The following GRM8 variants were observed in gnomAD, a reference collection of about 807,000 sequenced individuals.
GRM8 encodes the protein metabotropic glutamate receptor 8.
GRM8 carries 47 observed loss-of-function variants against 87.2 expected under a neutral mutation model. The ratio of observed to expected loss-of-function variants is 0.54; its 90% CI spans 0.43 to 0.69. The LOEUF (loss-of-function observed/expected upper bound fraction) is 0.69. GRM8 is among the 30% of genes least tolerant of loss of function. The probability of loss-of-function intolerance (pLI) is 0.00; values close to 1 mark genes in which losing one functional copy is unlikely to be tolerated. For synonymous variants in GRM8, 396 were observed against 404.5 expected (o/e 0.98, Z 0.25); for missense variants, 1,019 against 1,139.2 (o/e 0.89, Z 1.52).
chr7:127,008,841 T>C (rs975415615), intron 3 of GRM8, among the ~76,000 whole-genome samples: 4 of 152,134 alleles, frequency 2.6e-5, no homozygotes, highest in Admixed American at 2.6e-4. Flanking sequence ...CCGTTGCTCA[T>C]CAAAGATGTC....
chr7:126,453,569 T>A (rs1802888336), intron 9 of GRM8, among the ~76,000 whole-genome samples: 1 of 151,560 alleles, frequency 6.6e-6, no homozygotes, highest in South Asian at 2.1e-4. Flanking sequence ...AAGCAGAATA[T>A]CAGCTTCTCT....
chr7:126,657,573 G>T (rs182968153), intron 7 of GRM8, among the ~76,000 whole-genome samples: 6 of 152,342 alleles, frequency 3.9e-5, no homozygotes, highest in Admixed American at 6.5e-5. Context: ...ATGTATAATA[G>T]TTCCAAGCTT....
At chr7:126,938,033 G>T (rs986993981) in intron 3 of GRM8, among the ~76,000 whole-genome samples, 8 of 152,178 alleles carry the variant, frequency 5.3e-5, no homozygotes, top group Non-Finnish European at 8.8e-5. Context: ...CTACCAGAAA[G>T]GTGGCTCAGT....
rs1198726617 is a variant in GRM8, at chr7:126,448,218, A to G, written c.2431-1846T>C. Among the ~76,000 whole-genome samples the G allele has an allele frequency of 3.3e-5, 5 of 151,916 alleles. No individual in the cohort carries two copies. The East Asian group carries it at 9.8e-4, about 30-fold the overall frequency. Reference sequence around the variant, plus strand: ...AATGCCAGTCAAATAGAAAACCACCAGTCAGACTCTTTCAAGTCAATTTAG... The same window carrying G: ...AATGCCAGTCAAATAGAAAACCACCGGTCAGACTCTTTCAAGTCAATTTAG... On this transcript the variant is annotated intron_variant, in intron 9 of 10. Coordinates refer to ENST00000339582, the MANE Select transcript of GRM8 (RefSeq NM_000845.3).
chr7:127,227,042 G>A (rs900012253), intron 2 of GRM8, among the ~76,000 whole-genome samples: 1 of 152,178 alleles, frequency 6.6e-6, no homozygotes, highest in Non-Finnish European at 1.5e-5. Flanking sequence ...CTCTAAAAAA[G>A]ATCAAAAGTG....
intron 2 of GRM8, among the ~76,000 whole-genome samples, chr7:127,180,163 G>C (rs2116400296): frequency 6.6e-6 from 1 of 152,126 alleles, no homozygotes; most frequent in African/African-American, 2.4e-5. Context: ...AAACAAGACA[G>C]GAGATATTAC....
chr7:127,076,031 G>A, intron 3 of GRM8: 1 of 387,680 alleles, frequency 2.6e-6, no homozygotes, highest in African/African-American at 2.1e-5. Context: ...ATTGTTAAAA[G>A]ATGGTTTGAT....
At chr7:127,135,731 T>C (rs1827914532) in intron 2 of GRM8, among the ~76,000 whole-genome samples, 1 of 151,342 alleles carries the variant, frequency 6.6e-6, no homozygotes, top group Admixed American at 6.6e-5. Flanking sequence ...TACATTCGCC[T>C]ACAATCGTTT....
Position 127,252,201 on chromosome 7 carries a change from G to A in GRM8, c.-312+596C>T, listed in dbSNP as rs1255959669. ...GGAGGTCACCCAGGGCAGACGATCC[G>A]AGGCAGAGCGCTTTAAAATCCTGCC... On this transcript the variant is annotated intron_variant, in intron 1 of 10. Transcript: ENST00000339582. This position sits in a 1 kb window ranked among gnomAD's most constrained non-coding sequence, Gnocchi z 4.9. 1 of 152,218 alleles carries A rather than the reference G, an allele frequency of 6.6e-6. No homozygotes were observed. Among genetic ancestry groups the A allele is most frequent in the Non-Finnish European group, 1.5e-5 (1 of 68,102 alleles). 9.4% of individuals were successfully genotyped at this position (152,218 alleles called of 1,614,324 possible). A position where few individuals can be genotyped will look rare whatever the true frequency, so the allele number is the denominator to read the frequency against.
At chr7:127,130,989 T>G (rs570234097) in intron 2 of GRM8, among the ~76,000 whole-genome samples, 8 of 152,188 alleles carry the variant, frequency 5.3e-5, no homozygotes, top group African/African-American at 1.7e-4. Context: ...TTTGTAGCAG[T>G]GTGATAACAG....
intron 6 of GRM8, among the ~76,000 whole-genome samples, chr7:126,838,616 T>C (rs1167150786): frequency 1.3e-5 from 2 of 152,228 alleles, no homozygotes; most frequent in African/African-American, 2.4e-5. Flanking sequence ...ACTTTATTAA[T>C]GCTAAGAAGC....
chr7:126,530,394 T>C (rs1814602674), intron 9 of GRM8, among the ~76,000 whole-genome samples: 1 of 152,196 alleles, frequency 6.6e-6, no homozygotes, highest in Non-Finnish European at 1.5e-5. Flanking sequence ...CCTCACCATC[T>C]TCCCCCGCCC....
At chr7:126,677,569 T>G (rs1036574653) in intron 7 of GRM8, among the ~76,000 whole-genome samples, 2 of 152,238 alleles carry the variant, frequency 1.3e-5, no homozygotes, top group Non-Finnish European at 2.9e-5. Flanking sequence ...GATGGAACTA[T>G]AGGCTATTAT....
intron 7 of GRM8, among the ~76,000 whole-genome samples, chr7:126,676,153 T>C (rs1806936652): frequency 6.6e-6 from 1 of 151,886 alleles, no homozygotes; most frequent in Non-Finnish European, 1.5e-5. Flanking sequence ...AAAGAACAAA[T>C]GAACCTAGGA....
At chr7:126,513,303 G>A (rs576795460) in intron 9 of GRM8, among the ~76,000 whole-genome samples, 2 of 152,042 alleles carry the variant, frequency 1.3e-5, no homozygotes, top group Non-Finnish European at 2.9e-5. Flanking sequence ...CTGACCCTTC[G>A]GGTATTTTTT....
At chr7:127,018,116 C>G (rs1815871153) in intron 3 of GRM8, among the ~76,000 whole-genome samples, 1 of 151,902 alleles carries the variant, frequency 6.6e-6, no homozygotes, top group African/African-American at 2.4e-5. Flanking sequence ...CACACACATA[C>G]ACACATACAG....
intron 7 of GRM8, among the ~76,000 whole-genome samples, chr7:126,624,867 C>T (rs186627083): frequency 4.3e-4 from 66 of 152,338 alleles, no homozygotes; most frequent in Non-Finnish European, 6.5e-4. Context: ...TGAGCATCTG[C>T]ATGTTAAAAA....
intron 3 of GRM8, among the ~76,000 whole-genome samples, chr7:126,907,082 G>A (rs1220652932): frequency 1.3e-5 from 2 of 149,750 alleles, no homozygotes; most frequent in Non-Finnish European, 3.0e-5. Flanking sequence ...GAATGGAGAC[G>A]AGAAAGAAGA....
intron 2 of GRM8, among the ~76,000 whole-genome samples, chr7:127,195,319 T>A (rs1026535203): frequency 6.6e-6 from 1 of 152,182 alleles, no homozygotes; most frequent in Non-Finnish European, 1.5e-5. Context: ...GGATCAGTCA[T>A]TCAAAACAAA....
Sources: allele counts gnomAD v4.1 joint callset (sites outside exome capture counted in the v4.1 genomes callset), GRCh38; gene constraint gnomAD v4.1.1; non-coding constraint Gnocchi (gnomAD v3.1); transcripts MANE v1.5; gene names NCBI Gene and HGNC (gene_info 2026-07-23, HGNC 2026-07-21).